Variants in PTPRC observed in about 807,000 individuals in gnomAD.
PTPRC encodes the protein protein tyrosine phosphatase receptor type C, also known as receptor-type tyrosine-protein phosphatase C.
A neutral mutation model predicts 155.9 loss-of-function variants in PTPRC; 44 were observed. The ratio of observed to expected loss-of-function variants is 0.28; its 90% CI spans 0.22 to 0.36. PTPRC has a LOEUF of 0.36. PTPRC is among the 10% of genes least tolerant of loss of function. The probability of loss-of-function intolerance (pLI) is 1.00; values close to 1 mark genes in which losing one functional copy is unlikely to be tolerated. For synonymous variants in PTPRC, 525 were observed against 533.1 expected (o/e 0.98, Z 0.21); for missense variants, 1,401 against 1,564.6 (o/e 0.90, Z 1.76).
chr1:198,752,679 C>T lies in PTPRC; in HGVS notation c.3416C>T (p.Ser1139Phe), dbSNP rs549131091. ...QLPAEPKELISMIQVVKQKLP... is the reference protein window; with the variant it reads ...QLPAEPKELIFMIQVVKQKLP... Reference sequence around the variant, plus strand: ...CCTGCAGAACCCAAGGAATTAATCTCTATGATTCAGGTCGTCAAACAAAAA... The same window carrying T: ...CCTGCAGAACCCAAGGAATTAATCTTTATGATTCAGGTCGTCAAACAAAAA... The change falls in exon 31 of 33, where the codon TCT (serine) becomes TTT (phenylalanine). Residue 1139 changes from serine to phenylalanine, a missense_variant. By Grantham distance (155) the Ser-to-Phe change is radical. This residue lies in a region of PTPRC where 400 missense variants were observed against 389.5 expected (regional missense o/e 1.03). Coordinates refer to ENST00000442510, the MANE Select transcript of PTPRC (RefSeq NM_002838.5). 7.4e-6 allele frequency: 12 copies of T among 1,612,880 alleles called. No individual in the cohort carries two copies. The highest frequency in any genetic ancestry group is 1.7e-4 in the Middle Eastern group (1 of 6,050).
At chr1:198,693,248 T>G in intron 3 of PTPRC, 1 of 713,888 alleles carries the variant, frequency 1.4e-6, no homozygotes, top group Non-Finnish European at 1.7e-6. Flanking sequence ...CAAAAACACT[T>G]CTGAATCTGC....
chr1:198,673,147 T>C (rs1455336659), intron 2 of PTPRC, among the ~76,000 whole-genome samples: 1 of 152,068 alleles, frequency 6.6e-6, no homozygotes, highest in Non-Finnish European at 1.5e-5. Flanking sequence ...AACTCAAACA[T>C]ATCCCTCTTA....
rs868210193 is a variant in PTPRC at position 198,742,273 on chromosome 1, C to T, written c.2603C>T (p.Ala868Val). 1.2e-6 allele frequency: 2 copies of T among 1,612,084 alleles called. No individual in the cohort carries two copies. Among genetic ancestry groups the T allele is most frequent in the Non-Finnish European group, 1.7e-6 (2 of 1,178,896 alleles). The stretch of plus-strand genomic sequence containing the variant: ...ACAGGAACCTATATCGGAATTGATG[C>T]CATGCTAGAAGGCCTGGAAGCCGAG... ...GRTGTYIGIDAMLEGLEAENK... is the reference protein window; with the variant it reads ...GRTGTYIGIDVMLEGLEAENK... The change falls in exon 25 of 33, where the codon GCC (alanine) becomes GTC (valine). Residue 868 changes from alanine (A) to valine (V), a missense_variant. Transcript: ENST00000442510.
In PTPRC at chr1:198,752,745, A is replaced by AGAG; in HGVS notation, c.3483_3485dup (p.Lys1161_Ser1162insArg). ...TCCTCTGAAGGGAACAAGCATCACA[A>AGAG]GAGTACACCTCTACTCATTCACTGC... On this transcript the variant is annotated inframe_insertion, in exon 31 of 33. Transcript: ENST00000442510. The AGAG allele has an allele frequency of 6.2e-7, 1 of 1,612,854 alleles. No individual in the cohort carries two copies. The highest frequency in any genetic ancestry group is 1.7e-5 in the Admixed American group (1 of 59,872).
intron 2 of PTPRC, among the ~76,000 whole-genome samples, chr1:198,652,987 A>G (rs1663340313): frequency 6.6e-6 from 1 of 151,916 alleles, no homozygotes; most frequent in Admixed American, 6.6e-5. Context: ...AGTACTTCAA[A>G]GGCAAGAAAA....
At chr1:198,673,682 C>A (rs74134782) in intron 2 of PTPRC, among the ~76,000 whole-genome samples, 12,966 of 152,174 alleles carry the variant, frequency 0.085, 574 homozygotes, top group Non-Finnish European at 0.099. Flanking sequence ...ATTTTTACTG[C>A]TCCTCCAGTG....
intron 15 of PTPRC, among the ~76,000 whole-genome samples, chr1:198,723,094 T>C (rs1309620947): frequency 6.8e-6 from 1 of 146,768 alleles, no homozygotes; most frequent in Non-Finnish European, 1.5e-5. Context: ...TATTTTTGGG[T>C]CTCCTTATAG....
At chr1:198,679,731 A>G (rs987614254) in intron 2 of PTPRC, 3 of 400,556 alleles carry the variant, frequency 7.5e-6, no homozygotes, top group African/African-American at 2.1e-5. Context: ...GAGCCCACGT[A>G]ATGGAGATGA....
Position 198,732,528 on chromosome 1 carries a change from C to T in PTPRC, c.2114C>T (p.Ser705Leu). Residue 705 changes from serine (S) to leucine (L), a missense_variant, in exon 20 of 33, where the codon TCA (serine) becomes TTA (leucine). Coordinates refer to ENST00000442510, the MANE Select transcript of PTPRC (RefSeq NM_002838.5). ...ELSEINGDAGSNYINASYIDG... is the reference protein window; with the variant it reads ...ELSEINGDAGLNYINASYIDG... ...TCTGAGATAAACGGAGATGCAGGGTCAAACTACATAAATGCCAGCTATATT... is the reference window on the plus strand; with the variant it reads ...TCTGAGATAAACGGAGATGCAGGGTTAAACTACATAAATGCCAGCTATATT... 1 of 1,610,472 alleles carries T rather than the reference C, an allele frequency of 6.2e-7. No individual in the cohort carries two copies. The highest frequency in any genetic ancestry group is 8.5e-7 in the Non-Finnish European group (1 of 1,178,260).
At position 198,675,516 on chromosome 1, in the gene PTPRC, C is replaced by T. The variant is rs377129153; in HGVS notation, c.74-16831C>T. Among the ~76,000 whole-genome samples, 118 of 152,148 alleles carry T rather than the reference C, an allele frequency of 7.8e-4. No homozygotes were observed. The South Asian group carries it at 8.5e-3, about 11-fold the overall frequency. On this transcript the variant is annotated intron_variant, in intron 2 of 32. Coordinates refer to ENST00000442510, the MANE Select transcript of PTPRC (RefSeq NM_002838.5). ...ATTGGATTAAATCATCATAAAGAGA[C>T]AAAATAATGCAAAAAGTGATAAATC...
At chr1:198,641,485 A>T (rs1662579388) in intron 2 of PTPRC, among the ~76,000 whole-genome samples, 1 of 152,042 alleles carries the variant, frequency 6.6e-6, no homozygotes, top group Non-Finnish European at 1.5e-5. Flanking sequence ...TCTATGCATA[A>T]TTCAAATATT....
chr1:198,699,671 C>G lies in PTPRC; in HGVS notation c.406C>G (p.Leu136Val). ...CAGCGGCTCCGCCGCCAATGCAAAA[C>G]TCAACCCTACCCCAGGCAGCAATGC... ...TFSGSAANAK[L>V]NPTPGSNAIS... Residue 136 changes from leucine to valine, a missense_variant, in exon 5 of 33, where the codon CTC becomes GTC. Physicochemically the swap from Leu to Val is conservative, Grantham distance 32. This residue lies in a region of PTPRC where 867 missense variants were observed against 970.4 expected (regional missense o/e 0.89). Transcript: ENST00000442510. The G allele has an allele frequency of 6.2e-7, 1 of 1,614,212 alleles. No homozygotes were observed. The highest frequency in any genetic ancestry group is 1.1e-5 in the South Asian group (1 of 91,088).
chr1:198,740,572 A>C (rs1654852954), intron 23 of PTPRC, among the ~76,000 whole-genome samples: 1 of 137,060 alleles, frequency 7.3e-6, no homozygotes, highest in Admixed American at 7.2e-5. Context: ...TTGCAGTGAG[A>C]CTTTATCTCA....
chr1:198,744,352 G>A (rs568239553), intron 26 of PTPRC, 149 bp downstream of exon 26: 27 of 789,370 alleles, frequency 3.4e-5, no homozygotes, highest in Admixed American at 2.3e-4. Flanking sequence ...CTAGGACACA[G>A]TGAGTTAAGA....
chr1:198,657,508 G>A (rs1663660626), intron 2 of PTPRC: 1 of 152,098 alleles, frequency 6.6e-6, no homozygotes, highest in Non-Finnish European at 1.5e-5. Context: ...AGTTTTGTGA[G>A]TGAAAATTAA....
At chr1:198,728,206 T>G (rs1654228785) in intron 15 of PTPRC, 134 bp from the exon 16 acceptor site, 1 of 680,374 alleles carries the variant, frequency 1.5e-6, no homozygotes, top group Non-Finnish European at 2.3e-6. Context: ...GACCTTATTC[T>G]AAAATGTTTA....
Position 198,639,082 on chromosome 1 carries a change from T to G in PTPRC, c.-99T>G. 1 of 613,712 alleles carries G rather than the reference T, an allele frequency of 1.6e-6. No homozygotes were observed. Among genetic ancestry groups the G allele is most frequent in the Non-Finnish European group, 2.9e-6 (1 of 342,074 alleles). 38.0% of individuals were successfully genotyped at this position (613,712 alleles called of 1,614,324 possible). On this transcript the variant is annotated 5_prime_UTR_variant, in exon 1 of 33. Coordinates refer to ENST00000442510, the MANE Select transcript of PTPRC (RefSeq NM_002838.5). ...GTTCATGCAGCTAGCAAGTGGTTTG[T>G]TCTTAGGGTAACAGAGGAGGAAATT...
At chr1:198,699,868 A>G (rs1183189449) in intron 5 of PTPRC, 164 bp downstream of exon 5, 2 of 882,384 alleles carry the variant, frequency 2.3e-6, no homozygotes, top group East Asian at 2.6e-5. Context: ...CACAGAACAA[A>G]TGTCCTTTTA....
rs551218477 is a variant in PTPRC at position 198,750,569 on chromosome 1, C to T, written c.3150C>T (p.Ile1050=). ...KETIGDFWQM[I]FQRKVKVIVM... is the part of the protein sequence containing the mutation. ...CCATTGGTGACTTTTGGCAGATGAT[C>T]TTCCAAAGAAAAGTCAAAGTTATTG... Residue 1050 remains isoleucine (I), a synonymous_variant, in exon 29 of 33, where the codon ATC becomes ATT. Coordinates refer to ENST00000442510, the MANE Select transcript of PTPRC (RefSeq NM_002838.5). 192 of 1,612,564 alleles carry T rather than the reference C, an allele frequency of 1.2e-4. 3 individuals carry two copies. The South Asian group carries it at 2.0e-3, about 17-fold the overall frequency.
Sources: allele counts gnomAD v4.1 joint callset (sites outside exome capture counted in the v4.1 genomes callset), GRCh38; gene constraint gnomAD v4.1.1; regional missense constraint gnomAD v4.1.1; transcripts MANE v1.5; gene names NCBI Gene and HGNC (gene_info 2026-07-23, HGNC 2026-07-21).